Variants in CLECL1 observed in about 807,000 individuals in gnomAD.
CLECL1 encodes the protein C-type lectin like 1, also known as C-type lectin-like domain family 1.
intron 1 of CLECL1, among the ~76,000 whole-genome samples, chr12:9,731,789 T>G (rs1866450507): frequency 6.6e-6 from 1 of 152,208 alleles, no homozygotes; most frequent in Non-Finnish European, 1.5e-5. Context: ...GAATAAGGTT[T>G]TATTTATAAA....
downstream of CLECL1, chr12:9,718,759 G>C: frequency 1.4e-6 from 1 of 700,588 alleles, no homozygotes; most frequent in Admixed American, 2.0e-5. Flanking sequence ...TGAAGGTACA[G>C]CAAAAAGGTG....
rs1481122381 is a variant in CLECL1, at chr12:9,717,056, G to A, written n.153-280C>T. On this transcript the variant is annotated intron_variant and non_coding_transcript_variant, in intron 2 of 2. Coordinates refer to the CLECL1 transcript ENST00000540988. The stretch of plus-strand genomic sequence containing the variant: ...TAGTGTCCATCCCTCTACCCAGCAA[G>A]TCCTGGAGGATTATTGTTCCTGGAA... 5.9e-5 allele frequency among the ~76,000 whole-genome samples: 9 copies of A among 152,298 alleles called. No individual in the cohort carries two copies. In the East Asian group the frequency reaches 1.2e-3, roughly 20 times the overall value.
downstream of CLECL1, among the ~76,000 whole-genome samples, chr12:9,719,039 A>C (rs1386772156): frequency 6.6e-6 from 1 of 152,134 alleles, no homozygotes; most frequent in Non-Finnish European, 1.5e-5. Context: ...GTACATCTTC[A>C]TCTTGTGTAG....
At chr12:9,704,372 A>G in the CLECL1 span, among the ~76,000 whole-genome samples, 87 of 152,316 alleles carry the variant, frequency 5.7e-4, no homozygotes, top group African/African-American at 2.1e-3. Flanking sequence ...CAATTTTCAT[A>G]TAGAGAGGAA....
At chr12:9,703,732 G>GTA in the CLECL1 span, among the ~76,000 whole-genome samples, 1,376 of 151,598 alleles carry the variant, frequency 9.1e-3, 11 homozygotes, top group African/African-American at 0.028. Flanking sequence ...ACACTTGCCC[G>GTA]CATATATATA....
At chr12:9,719,141 A>G (rs372461524), downstream of CLECL1, among the ~76,000 whole-genome samples, 30 of 152,318 alleles carry the variant, frequency 2.0e-4, no homozygotes, top group East Asian at 4.8e-3. Flanking sequence ...TGAGTTAATC[A>G]TTAAGAGTTA....
chr12:9,716,986 A>C (rs781505636), intron 2 of CLECL1, among the ~76,000 whole-genome samples: 7 of 152,316 alleles, frequency 4.6e-5, no homozygotes, highest in Non-Finnish European at 8.8e-5. Flanking sequence ...TCTGAATCCT[A>C]AGAACTTGGT....
At chr12:9,705,361 A>T in the CLECL1 span, among the ~76,000 whole-genome samples, 1 of 151,074 alleles carries the variant, frequency 6.6e-6, no homozygotes, top group Non-Finnish European at 1.5e-5. Flanking sequence ...TAGGTTGTTT[A>T]CTCTGTTGAT....
chr12:9,720,960 C>T (rs754233074), downstream of CLECL1, among the ~76,000 whole-genome samples: 3 of 152,138 alleles, frequency 2.0e-5, no homozygotes, highest in Non-Finnish European at 2.9e-5. Context: ...TAGATTTTGG[C>T]CAGCTGGTTG....
chr12:9,712,919 CA>C (rs1186978168), downstream of CLECL1, among the ~76,000 whole-genome samples: 12 of 152,050 alleles, frequency 7.9e-5, no homozygotes, highest in African/African-American at 2.9e-4. Flanking sequence ...ATATGAGAAA[CA>C]AAAACTATAT....
upstream of CLECL1, chr12:9,733,279 T>A (rs1185360940): frequency 1.9e-6 from 3 of 1,553,916 alleles, no homozygotes; most frequent in Non-Finnish European, 2.6e-6. Context: ...TAGGTTCTCG[T>A]TTTTCAGTTA....
the CLECL1 span, among the ~76,000 whole-genome samples, chr12:9,704,919 A>G: frequency 1.3e-5 from 2 of 152,182 alleles, no homozygotes; most frequent in Non-Finnish European, 2.9e-5. Flanking sequence ...TGCTTTGGGT[A>G]TACGCCCAGT....
the CLECL1 span, among the ~76,000 whole-genome samples, chr12:9,707,356 T>C: frequency 6.6e-6 from 1 of 152,230 alleles, no homozygotes; most frequent in African/African-American, 2.4e-5. Context: ...GCATCTAAAA[T>C]TACATAGTAA....
At chr12:9,723,990 A>G (rs1008273644) in intron 3 of CLECL1, among the ~76,000 whole-genome samples, 1 of 151,882 alleles carries the variant, frequency 6.6e-6, no homozygotes, top group Non-Finnish European at 1.5e-5. Flanking sequence ...TTTGAGACCA[A>G]TCTGGCCAAC....
chr12:9,734,152 C>A (rs1021390657), upstream of CLECL1, among the ~76,000 whole-genome samples: 3 of 152,226 alleles, frequency 2.0e-5, no homozygotes, highest in African/African-American at 7.2e-5. Flanking sequence ...GTGCATTCTG[C>A]AGAATTAATC....
chr12:9,714,854 C>T (rs1004395268), downstream of CLECL1, among the ~76,000 whole-genome samples: 14 of 152,188 alleles, frequency 9.2e-5, no homozygotes, highest in South Asian at 2.1e-4. Flanking sequence ...AACAAATTTC[C>T]GGTTTTTCCT....
At chr12:9,721,646 C>A (rs138490101), downstream of CLECL1, among the ~76,000 whole-genome samples, 1 of 152,150 alleles carries the variant, frequency 6.6e-6, no homozygotes, top group Non-Finnish European at 1.5e-5. Context: ...TCATTCATTG[C>A]GCAATGGCTC....
chr12:9,708,686 C>T, the CLECL1 span, among the ~76,000 whole-genome samples: 6 of 152,260 alleles, frequency 3.9e-5, no homozygotes, highest in South Asian at 4.2e-4. Flanking sequence ...TCCTATTCTC[C>T]GGATTTTCTC....
At chr12:9,720,316 C>T (rs953520442), downstream of CLECL1, among the ~76,000 whole-genome samples, 20 of 150,196 alleles carry the variant, frequency 1.3e-4, no homozygotes, top group Non-Finnish European at 2.8e-4. Context: ...AGAAGGTACT[C>T]TGTGGAATTT....
Sources: allele counts gnomAD v4.1 joint callset (sites outside exome capture counted in the v4.1 genomes callset), GRCh38; gene constraint gnomAD v4.1.1; transcripts MANE v1.5; gene names NCBI Gene and HGNC (gene_info 2026-07-23, HGNC 2026-07-21).